Variants in IRF2 observed in about 807,000 individuals in gnomAD.
IRF2 encodes interferon regulatory factor 2.
A neutral mutation model predicts 40.6 loss-of-function variants in IRF2; 15 were observed. The ratio of observed to expected loss-of-function variants is 0.37; its 90% CI spans 0.25 to 0.57. IRF2 has a LOEUF of 0.57. IRF2 is among the 20% of genes least tolerant of loss of function. The pLI, the probability that IRF2 is intolerant of heterozygous loss-of-function variation, is 0.77. For synonymous variants in IRF2, 151 were observed against 165.5 expected, an observed-to-expected ratio of 0.91 and a Z score of 0.67; for missense variants, 317 against 455.7, an observed-to-expected ratio of 0.70 and a Z score of 2.77.
At chr4:184,414,287 T>C (rs143096663) in intron 5 of IRF2, among the ~76,000 whole-genome samples, 1 of 152,362 alleles carries the variant, frequency 6.6e-6, no homozygotes, top group Non-Finnish European at 1.5e-5. Flanking sequence ...TGATATTTTC[T>C]GAAACATATA....
chr4:184,460,484 T>C (rs1480361846), intron 1 of IRF2, among the ~76,000 whole-genome samples: 1 of 152,180 alleles, frequency 6.6e-6, no homozygotes, highest in East Asian at 1.9e-4. Context: ...GTTTTGTAAA[T>C]TTTACCACAG....
At chr4:184,422,025 G>T (rs1020897418) in intron 2 of IRF2, among the ~76,000 whole-genome samples, 6 of 152,116 alleles carry the variant, frequency 3.9e-5, no homozygotes, top group African/African-American at 1.4e-4. Context: ...CATTAGCTCC[G>T]GTGAGAGCTG....
intron 6 of IRF2, among the ~76,000 whole-genome samples, chr4:184,405,902 G>A (rs980427454): frequency 6.6e-6 from 1 of 152,172 alleles, no homozygotes; most frequent in African/African-American, 2.4e-5. Context: ...AGGTCTCTCG[G>A]TTGGCACCTG....
At chr4:184,440,704 G>C (rs1428184513) in intron 1 of IRF2, among the ~76,000 whole-genome samples, 1 of 152,160 alleles carries the variant, frequency 6.6e-6, no homozygotes, top group Non-Finnish European at 1.5e-5. Flanking sequence ...ATCCCTCCCT[G>C]CCTCCAGCTT....
chr4:184,395,507 T>C (rs557713082), intron 7 of IRF2, among the ~76,000 whole-genome samples: 6 of 145,606 alleles, frequency 4.1e-5, no homozygotes, highest in South Asian at 2.2e-4. Context: ...AACAGGCAAA[T>C]GGCCGACTCT....
chr4:184,458,492 G>C (rs1274543671), intron 1 of IRF2, among the ~76,000 whole-genome samples: 3 of 152,224 alleles, frequency 2.0e-5, no homozygotes, highest in Admixed American at 6.5e-5. Flanking sequence ...GTTTGTAGAA[G>C]AGAGTCTTCA....
chr4:184,467,907 C>T (rs1739384290), intron 1 of IRF2, among the ~76,000 whole-genome samples: 1 of 152,152 alleles, frequency 6.6e-6, no homozygotes, highest in Admixed American at 6.5e-5. Flanking sequence ...GCTTTTATCA[C>T]ACAAAATCCT....
At position 184,399,164 on chromosome 4, in the gene IRF2, G is replaced by C. The variant is rs568951049; in HGVS notation, c.530-85C>G. ...TCTCAAGAAAGAGTCTTCCCCAAAA[G>C]AGCCAGGTCGCCAGGCTCCCATCAC... On this transcript the variant is annotated intron_variant, in intron 6 of 8. Transcript: ENST00000393593. 7.4e-5 allele frequency: 104 copies of C among 1,410,244 alleles called. No homozygotes were observed. In the South Asian group the frequency reaches 1.2e-3, roughly 17 times the overall value. The allele number at this position is 1,410,244 out of a possible 1,614,324, so 87.4% of individuals were successfully genotyped here.
chr4:184,436,770 A>AG (rs376140725), intron 1 of IRF2, among the ~76,000 whole-genome samples: 212 of 152,360 alleles, frequency 1.4e-3, no homozygotes, highest in African/African-American at 4.8e-3. Context: ...ATGCACCAAC[A>AG]GGGGTGTCTT....
chr4:184,445,062 G>A (rs927237597), intron 1 of IRF2, among the ~76,000 whole-genome samples: 3 of 152,202 alleles, frequency 2.0e-5, no homozygotes, highest in African/African-American at 7.2e-5. Flanking sequence ...CTGACACGCT[G>A]CTCTCTTCCC....
In IRF2 at chr4:184,449,824, G is replaced by A. The variant is rs567032854; in HGVS notation, c.-6-20754C>T. Among the ~76,000 whole-genome samples the A allele has an allele frequency of 1.7e-3, 260 of 152,306 alleles. 1 individual carries two copies. The highest frequency in any genetic ancestry group is 5.9e-3 in the African/African-American group (247 of 41,542). On this transcript the variant is annotated intron_variant, in intron 1 of 8. Coordinates refer to ENST00000393593, the MANE Select transcript of IRF2 (RefSeq NM_002199.4). The stretch of plus-strand genomic sequence containing the variant: ...GATGTTCACCAACACTGCGCTGGCC[G>A]TTACCAAGAACTATGGTATGTGGTT...
At chr4:184,418,465 T>G (rs1234263355) in intron 4 of IRF2, 67 bp downstream of exon 4, 1 of 1,413,370 alleles carries the variant, frequency 7.1e-7, no homozygotes, top group Non-Finnish European at 1.0e-6. Context: ...GATGTAGAAA[T>G]GAAGAGATCA....
intron 1 of IRF2, among the ~76,000 whole-genome samples, chr4:184,471,616 A>G (rs1200548383): frequency 6.6e-6 from 1 of 152,260 alleles, no homozygotes; most frequent in Non-Finnish European, 1.5e-5. Flanking sequence ...GAATAAAAAT[A>G]TAACATCGTT....
At chr4:184,433,124 G>A (rs546339224) in intron 1 of IRF2, among the ~76,000 whole-genome samples, 8 of 152,138 alleles carry the variant, frequency 5.3e-5, no homozygotes, top group Non-Finnish European at 7.4e-5. Context: ...AGAGGAAACC[G>A]AAGGATTTTA....
At chr4:184,452,329 A>G (rs760936084) in intron 1 of IRF2, among the ~76,000 whole-genome samples, 9 of 152,232 alleles carry the variant, frequency 5.9e-5, no homozygotes, top group Non-Finnish European at 1.3e-4. Flanking sequence ...CAGGAAAAGC[A>G]TTCTGCACCT....
chr4:184,423,481 T>C (rs1317019023), intron 2 of IRF2, among the ~76,000 whole-genome samples: 2 of 152,234 alleles, frequency 1.3e-5, no homozygotes, highest in African/African-American at 2.4e-5. Flanking sequence ...ATTAGTGTGC[T>C]ATTTTTGTCT....
intron 1 of IRF2, among the ~76,000 whole-genome samples, chr4:184,431,299 T>C (rs1351377126): frequency 6.6e-6 from 1 of 152,204 alleles, no homozygotes; most frequent in Non-Finnish European, 1.5e-5. Flanking sequence ...CATTCAAAGG[T>C]CATGTATTGA....
At chr4:184,399,783 T>C (rs1736602236) in intron 6 of IRF2, among the ~76,000 whole-genome samples, 1 of 152,210 alleles carries the variant, frequency 6.6e-6, no homozygotes, top group South Asian at 2.1e-4. Context: ...CAAACATTAG[T>C]AGCATCAGCT....
chr4:184,392,410 C>A (rs1736289999), intron 7 of IRF2, among the ~76,000 whole-genome samples: 1 of 152,224 alleles, frequency 6.6e-6, no homozygotes, highest in African/African-American at 2.4e-5. Context: ...CTAAAAGAAG[C>A]AAACATTTAG....
Sources: gnomAD v4.1 joint callset for allele counts (sites outside exome capture counted in the v4.1 genomes callset) on GRCh38, gnomAD v4.1.1 for gene constraint, MANE v1.5 for transcripts, NCBI Gene and HGNC (gene_info 2026-07-23, HGNC 2026-07-21) for gene names.